PLCG2: variants seen among roughly 807,000 people sequenced by gnomAD.
PLCG2 encodes phospholipase C gamma 2.
In PLCG2, 69 loss-of-function variants were observed where a neutral mutation model predicts 175.6. The observed-to-expected ratio is 0.39, with a 90% CI of 0.32 to 0.48. The LOEUF is 0.48. Among genes scored for constraint, PLCG2 ranks in the 20% least tolerant of loss-of-function variants. PLCG2 has a pLI of 0.91. For missense variants in PLCG2, 1,798 were observed against 1,650.9 expected, an observed-to-expected ratio of 1.09 and a Z score of -1.54; for synonymous variants, 827 against 624.0, an observed-to-expected ratio of 1.33 and a Z score of -4.85.
intron 2 of PLCG2, among the ~76,000 whole-genome samples, chr16:81,769,015 G>T (rs570809441): frequency 6.6e-6 from 1 of 152,284 alleles, no homozygotes; most frequent in South Asian, 2.1e-4. Context: ...ACTGACATGT[G>T]GTAGGTGCTC....
intron 2 of PLCG2, among the ~76,000 whole-genome samples, chr16:81,828,673 G>A (rs1248438876): frequency 1.3e-5 from 2 of 152,156 alleles, no homozygotes; most frequent in East Asian, 1.9e-4. Flanking sequence ...CCTTAAGCAA[G>A]TTATAAAAGT....
chr16:81,764,248 G>T (rs1910097966), intron 2 of PLCG2, among the ~76,000 whole-genome samples: 1 of 152,162 alleles, frequency 6.6e-6, no homozygotes, highest in African/African-American at 2.4e-5. Context: ...AGCTGTGATT[G>T]ATTGAGCCAC....
chr16:81,909,331 G>T (rs56258157), intron 17 of PLCG2, among the ~76,000 whole-genome samples: 2 of 151,940 alleles, frequency 1.3e-5, no homozygotes, highest in Admixed American at 6.6e-5. Context: ...AAGTCTGTGA[G>T]GAAGGCTCTG....
intron 20 of PLCG2, among the ~76,000 whole-genome samples, chr16:81,920,956 CA>C (rs1910035301): frequency 6.6e-6 from 1 of 152,186 alleles, no homozygotes; most frequent in South Asian, 2.1e-4. Context: ...CAAAGGAACG[CA>C]GTGCCTGGCA....
At chr16:81,840,364 G>C (rs1235156009) in intron 2 of PLCG2, among the ~76,000 whole-genome samples, 1 of 152,216 alleles carries the variant, frequency 6.6e-6, no homozygotes, top group Non-Finnish European at 1.5e-5. Context: ...CCATGGGCCA[G>C]ATTGGCCTGG....
chr16:81,809,974 G>T (rs1433787528), intron 2 of PLCG2, among the ~76,000 whole-genome samples: 1 of 151,842 alleles, frequency 6.6e-6, no homozygotes, highest in Non-Finnish European at 1.5e-5. Context: ...GTCTTTGTCT[G>T]CCACCATGGT....
intron 2 of PLCG2, among the ~76,000 whole-genome samples, chr16:81,823,233 G>A (rs554238785): frequency 6.6e-6 from 1 of 152,218 alleles, no homozygotes; most frequent in Non-Finnish European, 1.5e-5. Flanking sequence ...GCTTCCCCGG[G>A]GCTTTACCTC....
Position 81,910,501 on chromosome 16 carries a change from TG to T in PLCG2, c.1734-17del. 1.2e-6 allele frequency: 2 copies of T among 1,612,314 alleles called. No individual in the cohort carries two copies. The highest frequency in any genetic ancestry group is 1.7e-6 in the Non-Finnish European group (2 of 1,179,164). ...CTGGCCTGCGTTCTCCCAGCACTGA[TG>T]GCGTCCTCTCCCCGCAGGCGGTCAG... is the stretch of plus-strand genomic sequence containing the variant. On this transcript the variant is annotated intron_variant, in intron 17 of 32. Transcript: ENST00000564138.
intron 11 of PLCG2, among the ~76,000 whole-genome samples, chr16:81,891,922 C>T (rs1162123659): frequency 6.6e-6 from 1 of 152,206 alleles, no homozygotes; most frequent in Non-Finnish European, 1.5e-5. Context: ...CACAGCAAAG[C>T]AATTCAGTGA....
chr16:81,891,935 C>T (rs1369713117), intron 11 of PLCG2, among the ~76,000 whole-genome samples: 1 of 152,166 alleles, frequency 6.6e-6, no homozygotes, highest in Non-Finnish European at 1.5e-5. Context: ...TTCAGTGACT[C>T]ATTGAATTGA....
chr16:81,827,104 C>A (rs9933031), intron 2 of PLCG2, among the ~76,000 whole-genome samples: 1 of 152,088 alleles, frequency 6.6e-6, no homozygotes, highest in South Asian at 2.1e-4. Flanking sequence ...GTTGACCTTG[C>A]GCTGAAATAA....
Position 81,962,269 on chromosome 16 carries a change from C to G in PLCG2, c.*4271C>G, listed in dbSNP as rs1321746086. The G allele has an allele frequency of 5.1e-6, 1 of 196,104 alleles. No individual in the cohort carries two copies. The highest frequency in any genetic ancestry group is 8.1e-5 in the East Asian group (1 of 12,416). The allele number at this position is 196,104 out of a possible 1,614,324, so 12.1% of individuals were successfully genotyped here. A position where few individuals can be genotyped will look rare whatever the true frequency, so the allele number is the denominator to read the frequency against. On this transcript the variant is annotated 3_prime_UTR_variant, in exon 33 of 33. Transcript: ENST00000564138. Reference sequence around the variant, plus strand: ...GACTTTAAAAGGAAAATAGCTTAACCTTCAACCTGTGTGACATTTAACTTT... The same window carrying G: ...GACTTTAAAAGGAAAATAGCTTAACGTTCAACCTGTGTGACATTTAACTTT...
intron 1 of PLCG2, among the ~76,000 whole-genome samples, chr16:81,745,059 C>G (rs556478149): frequency 2.6e-5 from 4 of 152,302 alleles, no homozygotes; most frequent in Non-Finnish European, 4.4e-5. Flanking sequence ...CATAAACATT[C>G]AGCAAAGAAT....
At chr16:81,795,162 C>A (rs1911410703) in intron 2 of PLCG2, among the ~76,000 whole-genome samples, 1 of 152,168 alleles carries the variant, frequency 6.6e-6, no homozygotes, top group Non-Finnish European at 1.5e-5. Context: ...GAGGATCTTA[C>A]AATCTTGTAG....
intron 1 of PLCG2, among the ~76,000 whole-genome samples, chr16:81,752,594 A>G (rs1033745207): frequency 6.6e-6 from 1 of 152,102 alleles, no homozygotes; most frequent in Non-Finnish European, 1.5e-5. Context: ...TGAGCCCCCA[A>G]AGGAGGGGCT....
At chr16:81,779,699 G>A (rs531596686) in intron 1 of PLCG2, among the ~76,000 whole-genome samples, 1 of 152,164 alleles carries the variant, frequency 6.6e-6, no homozygotes, top group East Asian at 1.9e-4. Flanking sequence ...TTTGAATGGG[G>A]ACCGGGAGGA....
At chr16:81,953,358 C>T (rs559611479) in intron 31 of PLCG2, among the ~76,000 whole-genome samples, 1 of 152,270 alleles carries the variant, frequency 6.6e-6, no homozygotes, top group South Asian at 2.1e-4. Flanking sequence ...GAGATGTTAA[C>T]ACTGTGGAGT....
chr16:81,923,885 C>T (rs761820061), intron 22 of PLCG2, among the ~76,000 whole-genome samples: 3 of 152,222 alleles, frequency 2.0e-5, no homozygotes, highest in Non-Finnish European at 4.4e-5. Context: ...AAGCAGTCTG[C>T]TAATTGCTTT....
chr16:81,813,366 C>G (rs1421138156), intron 2 of PLCG2, among the ~76,000 whole-genome samples: 1 of 152,052 alleles, frequency 6.6e-6, no homozygotes, highest in African/African-American at 2.4e-5. Flanking sequence ...GTTTGTAGTT[C>G]TCTTTGAAGA....
Sources: allele counts gnomAD v4.1 joint callset (sites outside exome capture counted in the v4.1 genomes callset), GRCh38; gene constraint gnomAD v4.1.1; transcripts MANE v1.5; gene names NCBI Gene and HGNC (gene_info 2026-07-23, HGNC 2026-07-21).